The following RECQL4 variants were observed in gnomAD, a reference collection of about 807,000 sequenced individuals.
The protein encoded by RECQL4 is ATP-dependent DNA helicase Q4.
In RECQL4, 158 loss-of-function variants were observed where a neutral mutation model predicts 128.6. The ratio of observed to expected loss-of-function variants is 1.23; its 90% CI spans 1.08 to 1.40. The LOEUF (loss-of-function observed/expected upper bound fraction) is 1.40. Ranked by LOEUF, RECQL4 falls within the 40% of genes most tolerant of loss-of-function variation. The pLI, the probability that RECQL4 is intolerant of heterozygous loss-of-function variation, is 0.00. For synonymous variants in RECQL4, 996 were observed against 678.9 expected, an observed-to-expected ratio of 1.47 and a Z score of -7.26; for missense variants, 2,293 against 1,649.8, an observed-to-expected ratio of 1.39 and a Z score of -6.75.
Position 144,516,103 on chromosome 8 carries a change from AG to A in RECQL4, c.1015del (p.Leu339CysfsTer20), listed in dbSNP as rs1060501384. The A allele has an allele frequency of 6.2e-7, 1 of 1,612,836 alleles. No individual in the cohort carries two copies. The highest frequency in any genetic ancestry group is 8.5e-7 in the Non-Finnish European group (1 of 1,179,860). ...RAGKAEGTAP[L>X]HIFPRLARHD... ...GCGGGCCAGCCGAGGGAAGATGTGC[AG>A]GGGGGCTGTGCCCTCAGCCTTCCCA... On this transcript the variant is annotated frameshift_variant, in exon 5 of 21. Transcript: ENST00000617875. LOFTEE classifies it high-confidence loss of function.
In RECQL4 at chr8:144,513,329, C is replaced by G. The variant is rs2130678153; in HGVS notation, c.2352G>C (p.Arg784=). ...FGMGLDRPDV[R]AVLHLGLPPS... is the part of the protein sequence containing the mutation. ...GGGGCAGCCCCAGATGCAGCACAGC[C>G]CGCACATCTGGCCGGTCCAGCCCCA... Residue 784 remains arginine (R), a synonymous_variant, in exon 14 of 21, where the codon CGG becomes CGC. Coordinates refer to ENST00000617875, the MANE Select transcript of RECQL4 (RefSeq NM_004260.4). 1 of 1,603,444 alleles carries G rather than the reference C, an allele frequency of 6.2e-7. No individual in the cohort carries two copies. The highest frequency in any genetic ancestry group is 1.3e-5 in the African/African-American group (1 of 75,054).
rs778081949 is a variant in RECQL4 at position 144,513,006 on chromosome 8, C to T, written c.2596G>A (p.Gly866Arg). The T allele has an allele frequency of 6.4e-6, 10 of 1,570,524 alleles. No homozygotes were observed. In the Admixed American group the frequency reaches 9.4e-5, roughly 15 times the overall value. Residue 866 changes from glycine (G) to arginine (R), a missense_variant, in exon 15 of 21, where the codon GGG becomes AGG. By Grantham distance (125) the Gly-to-Arg change is moderately radical. Coordinates refer to ENST00000617875, the MANE Select transcript of RECQL4 (RefSeq NM_004260.4). ...ACAGGCCTCTCCCCACCCACGGCCCCTTCCTGCTCCGAGGGCGGCCTGGTG... is the reference window on the plus strand; with the variant it reads ...ACAGGCCTCTCCCCACCCACGGCCCTTTCCTGCTCCGAGGGCGGCCTGGTG... ...TCTRPPSEQE[G>R]AVGGERPVPK...
In RECQL4 at chr8:144,514,318, T is replaced by C. The variant is rs1586810852; in HGVS notation, c.1749A>G (p.Ala583=). 1 of 1,608,720 alleles carries C rather than the reference T, an allele frequency of 6.2e-7. No homozygotes were observed. Among genetic ancestry groups the C allele is most frequent in the Admixed American group, 1.7e-5 (1 of 59,822 alleles). Residue 583 remains alanine (A), a synonymous_variant, in exon 11 of 21, where the codon GCA becomes GCG. Transcript: ENST00000617875. ...GAGGGAGGCCTCCCGCCCCCACCAG[T>C]GCCTCAGGTGTCAGCATCAGCACGT... The part of the protein sequence containing the change: ...QVHVLMLTPE[A]LVGAGGLPPA...
chr8:144,517,017 C>A (rs369657999), intron 4 of RECQL4, 33 bp downstream of exon 4: 97 of 1,590,040 alleles, frequency 6.1e-5, no homozygotes, highest in Non-Finnish European at 7.6e-5. Context: ...AGCTGTGGAC[C>A]TAGCGTGGAC....
In RECQL4 at chr8:144,512,312, C is replaced by G. The variant is rs764657835; in HGVS notation, c.3068G>C (p.Gly1023Ala). The G allele has an allele frequency of 1.5e-5, 24 of 1,612,424 alleles. No homozygotes were observed. Among genetic ancestry groups the G allele is most frequent in the Non-Finnish European group, 2.0e-5 (24 of 1,179,760 alleles). ...ACTGAACTCCACAAGCACCCCTGTC[C>G]CACGCCGCACACCTGCCGGAAAGCA... ...DHEPRTGVRR[G>A]TGVLVEFSEL... is the part of the protein sequence containing the mutation. Residue 1023 changes from glycine (G) to alanine (A), a missense_variant, in exon 18 of 21, where the codon GGG becomes GCG. Coordinates refer to ENST00000617875, the MANE Select transcript of RECQL4 (RefSeq NM_004260.4).
rs763846344 is a variant in RECQL4, at chr8:144,512,918, C to T, written c.2684G>A (p.Arg895Lys). 3.0e-5 allele frequency: 47 copies of T among 1,583,690 alleles called. No homozygotes were observed. The highest frequency in any genetic ancestry group is 1.8e-4 in the East Asian group (8 of 43,342). Residue 895 changes from arginine to lysine, a missense_variant, in exon 15 of 21, where the codon AGG becomes AAG. Transcript: ENST00000617875. ...TGCCCGCTCATGGCCCATGCAGACC[C>T]TTCTGGGTCCTGGGGCTGCTTGGTG... ...LSHQAAPGPRRVCMGHERALP... is the reference protein window; with the variant it reads ...LSHQAAPGPRKVCMGHERALP...
chr8:144,514,592 G>C (rs1169151339), intron 9 of RECQL4, 67 bp from the exon 10 acceptor site: 10 of 1,491,516 alleles, frequency 6.7e-6, no homozygotes, highest in Non-Finnish European at 8.2e-6. Flanking sequence ...AGTCATCCCA[G>C]AGCTGCTGCC....
In RECQL4 at chr8:144,515,050, C is replaced by A. The variant is rs780993059; in HGVS notation, c.1506G>T (p.Leu502=). The A allele has an allele frequency of 6.2e-7, 1 of 1,608,784 alleles. No homozygotes were observed. Among genetic ancestry groups the A allele is most frequent in the East Asian group, 2.2e-5 (1 of 44,736 alleles). Residue 502 remains leucine (L), a synonymous_variant, in exon 9 of 21, where the codon CTG becomes CTT. Transcript: ENST00000617875. ...ACAGGGACTTGCCGGCACCTGTAGG[C>A]AGCACCAGCAGCGTGGAGATGCCTG... ...ILSGISTLLV[L]PTGAGKSLCY...
At position 144,512,238 on chromosome 8, in the gene RECQL4, T is replaced by C. The variant is rs2130659205; in HGVS notation, c.3142A>G (p.Lys1048Glu). Residue 1048 changes from lysine (K) to glutamate (E), a missense_variant, in exon 18 of 21, where the codon AAG becomes GAG. Transcript: ENST00000617875. ...TAGAGGAAGTCACATATCTGGTCCT[T>C]CTCCTCAGCGGTCAAGTCCCCCGGG... is the stretch of plus-strand genomic sequence containing the variant. Reference protein sequence around the residue: ...RSPGDLTAEEKDQICDFLYGR... With the variant: ...RSPGDLTAEEEDQICDFLYGR... 3 of 1,612,202 alleles carry C rather than the reference T, an allele frequency of 1.9e-6. No homozygotes were observed. Among genetic ancestry groups the C allele is most frequent in the Non-Finnish European group, 2.5e-6 (3 of 1,179,608 alleles).
At position 144,517,415 on chromosome 8, in the gene RECQL4, T is replaced by G. The variant is rs34642881; in HGVS notation, c.212A>C (p.Glu71Ala). The G allele has an allele frequency of 6.1e-5, 96 of 1,569,960 alleles. No individual in the cohort carries two copies. In the African/African-American group the frequency reaches 1.2e-3, roughly 20 times the overall value. Residue 71 changes from glutamate to alanine, a missense_variant and splice_region_variant, in exon 3 of 21, where the codon GAG (glutamate) becomes GCG (alanine). Coordinates refer to ENST00000617875, the MANE Select transcript of RECQL4 (RefSeq NM_004260.4). ...SSESLPAAAE[E>A]APEPRCWGPH... ...GCTGGGGCGGCGGGGCCTGGGTACC[T>G]CTTCGGCCGCCGCGGGGAGCGACTC...
Position 144,517,445 on chromosome 8 carries a change from C to G in RECQL4, c.182G>C (p.Ser61Thr). ...GGCCGCCGCGGGGAGCGACTCGGAGCTGCGGAGCCCGCCGCCGGCCTGGCC... is the reference window on the plus strand; with the variant it reads ...GGCCGCCGCGGGGAGCGACTCGGAGGTGCGGAGCCCGCCGCCGGCCTGGCC... The part of the protein sequence containing the change: ...TTGQAGGGLR[S>T]SESLPAAAEE... Residue 61 changes from serine (S) to threonine (T), a missense_variant, in exon 3 of 21, where the codon AGC becomes ACC. Ser to Thr is a moderately conservative substitution (Grantham distance 58, BLOSUM62 1). Transcript: ENST00000617875. 1.3e-6 allele frequency: 2 copies of G among 1,591,198 alleles called. No homozygotes were observed. The highest frequency in any genetic ancestry group is 2.3e-5 in the South Asian group (2 of 88,760).
At position 144,512,043 on chromosome 8, in the gene RECQL4, G is replaced by A. The variant is rs749540920; in HGVS notation, c.3261C>T (p.Pro1087=). 5.6e-6 allele frequency: 9 copies of A among 1,608,432 alleles called. No individual in the cohort carries two copies. The African/African-American group carries it at 9.3e-5, about 17-fold the overall frequency. Residue 1087 remains proline (P), a synonymous_variant, in exon 19 of 21, where the codon CCC becomes CCT. Coordinates refer to ENST00000617875, the MANE Select transcript of RECQL4 (RefSeq NM_004260.4). ...GCTCCTCATCCTGCTGCTCCAGGCA[G>A]GGCCCGCAGCTGGGGAAGGCTACGC... ...FHSVAFPSCG[P]CLEQQDEERS... is the part of the protein sequence containing the mutation.
Position 144,513,596 on chromosome 8 carries a change from G to C in RECQL4, c.2175C>G (p.His725Gln). Residue 725 changes from histidine (H) to glutamine (Q), a missense_variant, in exon 13 of 21, where the codon CAC (histidine) becomes CAG (glutamine). By Grantham distance (24) the His-to-Gln change is conservative (BLOSUM62 0). Coordinates refer to ENST00000617875, the MANE Select transcript of RECQL4 (RefSeq NM_004260.4). ...RIAALLRTCL[H>Q]AAWVPGSGGR... ...CTCCAGACCCTGGGACCCAGGCTGC[G>C]TGCAGGCAGGTTCGGAGGAGCGCAG... The C allele has an allele frequency of 1.2e-6, 2 of 1,609,038 alleles. No individual in the cohort carries two copies. The highest frequency in any genetic ancestry group is 1.3e-5 in the African/African-American group (1 of 74,992).
rs794726914 is a variant in RECQL4 at position 144,517,684 on chromosome 8, C to T, written c.84+17G>A. 4.2e-6 allele frequency: 6 copies of T among 1,429,016 alleles called. No individual in the cohort carries two copies. The highest frequency in any genetic ancestry group is 5.5e-6 in the Non-Finnish European group (6 of 1,095,804). The allele number at this position is 1,429,016 out of a possible 1,614,324, so 88.5% of individuals were successfully genotyped here. Reference sequence around the variant, plus strand: ...CGGGCCGCGCCCTCAGCCCCTCGGCCCCTGGGCAGCCCGCACCTGGCTCGG... The same window carrying T: ...CGGGCCGCGCCCTCAGCCCCTCGGCTCCTGGGCAGCCCGCACCTGGCTCGG... On this transcript the variant is annotated intron_variant, in intron 1 of 20. Transcript: ENST00000617875.
chr8:144,512,821 CCT>C lies in RECQL4; in HGVS notation c.2755+24_2755+25del, dbSNP rs767501695. The C allele has an allele frequency of 2.3e-5, 37 of 1,608,882 alleles. No homozygotes were observed. In the Middle Eastern group the frequency reaches 6.6e-4, roughly 29 times the overall value. On this transcript the variant is annotated intron_variant, in intron 15 of 20. Coordinates refer to ENST00000617875, the MANE Select transcript of RECQL4 (RefSeq NM_004260.4). ...GACGCGGGGACAGCCCCTCCACACC[CCT>C]GTGGCTTACCCCAGGTTCCTCACCC... is the stretch of plus-strand genomic sequence containing the variant.
Position 144,517,729 on chromosome 8 carries a change from C to T in RECQL4, c.56G>A (p.Arg19Gln), listed in dbSNP as rs1231840928. 33 of 1,350,794 alleles carry T rather than the reference C, an allele frequency of 2.4e-5. No homozygotes were observed. Among genetic ancestry groups the T allele is most frequent in the Non-Finnish European group, 3.0e-5 (32 of 1,050,554 alleles). The allele number at this position is 1,350,794 out of a possible 1,614,324, so 83.7% of individuals were successfully genotyped here. A position where few individuals can be genotyped will look rare whatever the true frequency, so the allele number is the denominator to read the frequency against. Residue 19 changes from arginine to glutamine, a missense_variant, in exon 1 of 21, where the codon CGA (arginine) becomes CAA (glutamine). By Grantham distance (43) the Arg-to-Gln change is conservative. Coordinates refer to ENST00000617875, the MANE Select transcript of RECQL4 (RefSeq NM_004260.4). ...GCTCGGTCGCCGCCCGCGCTGCCGT[C>T]GGAACGCGCGCTCCCACGCCTGCAG... ...ERLQAWERAF[R>Q]RQRGRRPSQD...
rs375100228 is a variant in RECQL4 at position 144,514,197 on chromosome 8, C to T, written c.1870G>A (p.Val624Ile). The T allele has an allele frequency of 1.1e-4, 184 of 1,612,144 alleles. 2 individuals carry two copies. The South Asian group carries it at 1.5e-3, about 13-fold the overall frequency. The change falls in exon 11 of 21, where the codon GTC (valine) becomes ATC (isoleucine). Residue 624 changes from valine (V) to isoleucine (I), a missense_variant. Physicochemically the swap from Val to Ile is conservative, Grantham distance 29. Coordinates refer to ENST00000617875, the MANE Select transcript of RECQL4 (RefSeq NM_004260.4). ...SHNFRPCYLR[V>I]CKVLRERMGV... Reference sequence around the variant, plus strand: ...GTTCACATATGGCTCACCTTGCAGACGCGCAGGTAGCAGGGCCGGAAGTTG... The same window carrying T: ...GTTCACATATGGCTCACCTTGCAGATGCGCAGGTAGCAGGGCCGGAAGTTG...
In RECQL4 at chr8:144,516,019, C is replaced by T. The variant is rs766344677; in HGVS notation, c.1100G>A (p.Arg367Gln). 20 of 1,610,036 alleles carry T rather than the reference C, an allele frequency of 1.2e-5. No homozygotes were observed. Among genetic ancestry groups the T allele is most frequent in the African/African-American group, 1.1e-4 (8 of 74,882 alleles). ...GCGGAGGAGCCTGCTACGGAGTGCC[C>T]GGCCCCGCACGTAGTGTTTCTGCTT... ...NMKQKHYVRG[R>Q]ALRSRLLRKQ... The change falls in exon 5 of 21, where the codon CGG (arginine) becomes CAG (glutamine). Residue 367 changes from arginine (R) to glutamine (Q), a missense_variant. Physicochemically the swap from Arg to Gln is conservative, Grantham distance 43. Transcript: ENST00000617875.
chr8:144,514,312 C>T lies in RECQL4; in HGVS notation c.1755G>A (p.Val585=), dbSNP rs539370260. 8 of 1,609,840 alleles carry T rather than the reference C, an allele frequency of 5.0e-6. No individual in the cohort carries two copies. The highest frequency in any genetic ancestry group is 6.8e-6 in the Non-Finnish European group (8 of 1,178,482). ...HVLMLTPEAL[V]GAGGLPPAAQ... ...CGGCTGGAGGGAGGCCTCCCGCCCCCACCAGTGCCTCAGGTGTCAGCATCA... is the reference window on the plus strand; with the variant it reads ...CGGCTGGAGGGAGGCCTCCCGCCCCTACCAGTGCCTCAGGTGTCAGCATCA... The change falls in exon 11 of 21, where the codon GTG becomes GTA. Residue 585 remains valine (V), a synonymous_variant. Transcript: ENST00000617875.
Sources: allele counts gnomAD v4.1 joint callset, GRCh38; gene constraint gnomAD v4.1.1; transcripts MANE v1.5; gene names NCBI Gene and HGNC (gene_info 2026-07-23, HGNC 2026-07-21).